The following ZFHX3 variants were observed in gnomAD, a reference collection of about 807,000 sequenced individuals.
The protein encoded by ZFHX3 is zinc finger homeobox protein 3.
In ZFHX3, 42 loss-of-function variants were observed where a neutral mutation model predicts 279.1. That is an observed-to-expected ratio of 0.15 (90% confidence interval 0.12 to 0.19). ZFHX3 has a LOEUF of 0.19. ZFHX3 is among the 10% of genes least tolerant of loss of function. ZFHX3 has a pLI of 1.00. For missense variants in ZFHX3, 4,981 were observed against 4,754.0 expected (o/e 1.05, Z -1.40); for synonymous variants, 2,293 against 1,957.8 (o/e 1.17, Z -4.52).
chr16:73,378,030 C>CAAAAAAAAAAAAAAAAAA lies in ZFHX3; in HGVS notation c.-1290-59712_-1290-59695dup, dbSNP rs71156159. Among the ~76,000 whole-genome samples, 10 of 53,840 alleles carry CAAAAAAAAAAAAAAAAAA rather than the reference C, an allele frequency of 1.9e-4. 1 individual carries two copies. Among genetic ancestry groups the CAAAAAAAAAAAAAAAAAA allele is most frequent in the Non-Finnish European group, 2.6e-4 (8 of 30,822 alleles). The allele number at this position is 53,840 out of a possible 152,430, so 35.3% of individuals were successfully genotyped here. A position where few individuals can be genotyped will look rare whatever the true frequency, so the allele number is the denominator to read the frequency against. ...CCTGGGTGACAGAGAGACTCTGTCT[C>CAAAAAAAAAAAAAAAAAA]AAAAAAAAAAAAAAAAAAAAAAAAA... On this transcript the variant is annotated intron_variant, in intron 3 of 17. Coordinates refer to the ZFHX3 transcript ENST00000641206.
chr16:73,465,631 A>T (rs1286877178), intron 2 of ZFHX3, among the ~76,000 whole-genome samples: 1 of 152,264 alleles, frequency 6.6e-6, no homozygotes, highest in East Asian at 1.9e-4. Context: ...CCTGCACCCC[A>T]GGTGAGGAGC....
chr16:73,869,117 C>G (rs538704594), intron 1 of ZFHX3, among the ~76,000 whole-genome samples: 5 of 152,120 alleles, frequency 3.3e-5, no homozygotes, highest in Non-Finnish European at 7.4e-5. Context: ...TAGTCATGTT[C>G]ACAACACTCT....
chr16:73,143,379 C>T (rs553352357), intron 6 of ZFHX3, among the ~76,000 whole-genome samples: 1 of 152,142 alleles, frequency 6.6e-6, no homozygotes, highest in Admixed American at 6.5e-5. Flanking sequence ...ACAAAGATAA[C>T]ATTGGCAGAG....
intron 5 of ZFHX3, among the ~76,000 whole-genome samples, chr16:73,224,332 C>T (rs926286958): frequency 2.0e-5 from 3 of 152,212 alleles, no homozygotes; most frequent in African/African-American, 7.2e-5. Flanking sequence ...TGTGAGCCTA[C>T]ACTGCTCGAA....
chr16:73,718,711 G>A (rs953740564), intron 1 of ZFHX3, among the ~76,000 whole-genome samples: 8 of 151,616 alleles, frequency 5.3e-5, no homozygotes, highest in Non-Finnish European at 8.8e-5. Context: ...CACCTCCTGG[G>A]TTCAAGCGAT....
In ZFHX3 at chr16:73,023,415, G is replaced by C. The variant is rs573791369; in HGVS notation, c.-50+24337C>G. On this transcript the variant is annotated intron_variant, in intron 1 of 9. Transcript: ENST00000268489. ...GACACAAGGGGCCTGGAGCAGGCCT[G>C]TGAGGGTAAGGGGCGGAGGGAGGAA... Among the ~76,000 whole-genome samples the C allele has an allele frequency of 1.1e-4, 17 of 152,316 alleles. No homozygotes were observed. In the South Asian group the frequency reaches 3.5e-3, roughly 32 times the overall value.
chr16:73,040,340 G>T (rs572268653), intron 1 of ZFHX3, among the ~76,000 whole-genome samples: 1 of 152,216 alleles, frequency 6.6e-6, no homozygotes, highest in Admixed American at 6.5e-5. Context: ...CTGGGAGGCC[G>T]AGCAGGAGGG....
At chr16:72,844,557 G>C (rs1248529982) in intron 4 of ZFHX3, among the ~76,000 whole-genome samples, 1 of 152,048 alleles carries the variant, frequency 6.6e-6, no homozygotes, top group African/African-American at 2.4e-5. Flanking sequence ...AAACACACTG[G>C]GGCTCAGGAG....
chr16:72,894,063 C>T (rs2038835649), intron 3 of ZFHX3, among the ~76,000 whole-genome samples: 3 of 151,174 alleles, frequency 2.0e-5, no homozygotes, highest in African/African-American at 4.9e-5. Context: ...GCAGGAAAAT[C>T]GCTTGAACCT....
Position 73,648,329 on chromosome 16 carries a change from T to C in ZFHX3, c.-1547+31851A>G, listed in dbSNP as rs551533940. Among the ~76,000 whole-genome samples the C allele has an allele frequency of 2.3e-4, 35 of 152,364 alleles. No individual in the cohort carries two copies. The South Asian group carries it at 7.0e-3, about 31-fold the overall frequency. On this transcript the variant is annotated intron_variant, in intron 2 of 17. Coordinates refer to the ZFHX3 transcript ENST00000641206. The stretch of plus-strand genomic sequence containing the variant: ...TCCACATTATTATCAATTGGGTTTA[T>C]AGGACTAGAAAAAGCTGAGCTTTAA...
At chr16:73,209,950 A>C (rs1457502014) in intron 5 of ZFHX3, among the ~76,000 whole-genome samples, 2 of 152,190 alleles carry the variant, frequency 1.3e-5, no homozygotes, top group African/African-American at 2.4e-5. Flanking sequence ...AAAGCTATAC[A>C]TGTTCTTCCT....
At chr16:72,973,566 T>C (rs567973154) in intron 1 of ZFHX3, 1 of 152,226 alleles carries the variant, frequency 6.6e-6, no homozygotes, top group Non-Finnish European at 1.5e-5. Flanking sequence ...CAAGCTCAAG[T>C]TGTACTTGGC....
At chr16:73,015,507 A>G (rs1418249664) in intron 1 of ZFHX3, 4 of 152,222 alleles carry the variant, frequency 2.6e-5, no homozygotes, top group African/African-American at 9.6e-5. Context: ...TGTGTGCTAC[A>G]TGTTTATTTT....
chr16:73,157,511 G>T (rs1005259725), intron 5 of ZFHX3, among the ~76,000 whole-genome samples: 3 of 137,344 alleles, frequency 2.2e-5, no homozygotes, highest in African/African-American at 8.3e-5. Context: ...CATTTTATCT[G>T]AAAGATATAA....
chr16:73,225,059 A>G (rs2012549980), intron 5 of ZFHX3, among the ~76,000 whole-genome samples: 1 of 152,194 alleles, frequency 6.6e-6, no homozygotes, highest in Non-Finnish European at 1.5e-5. Context: ...CCTAAGAGAT[A>G]ATATCTATGA....
At chr16:73,386,430 T>C (rs192284982) in intron 3 of ZFHX3, among the ~76,000 whole-genome samples, 1 of 152,240 alleles carries the variant, frequency 6.6e-6, no homozygotes, top group Non-Finnish European at 1.5e-5. Context: ...TTTAAATATA[T>C]GCTTTGCTGA....
At chr16:73,781,342 G>A in intron 1 of ZFHX3, among the ~76,000 whole-genome samples, 1 of 152,218 alleles carries the variant, frequency 6.6e-6, no homozygotes, top group East Asian at 1.9e-4. Flanking sequence ...GCTAGAGCCT[G>A]ATCATTTGTG....
chr16:73,078,556 C>T (rs62052371), intron 8 of ZFHX3, among the ~76,000 whole-genome samples: 2,386 of 152,232 alleles, frequency 0.016, 28 homozygotes, highest in South Asian at 0.048. Context: ...CTTTGGTCTA[C>T]CATGCCAATT....
chr16:73,249,828 A>ACAC (rs1339653670), intron 5 of ZFHX3, among the ~76,000 whole-genome samples: 2 of 147,572 alleles, frequency 1.4e-5, no homozygotes, highest in African/African-American at 5.4e-5. Context: ...GGCACTTCAC[A>ACAC]CACACACACA....
Sources: gnomAD v4.1 joint callset for allele counts (sites outside exome capture counted in the v4.1 genomes callset) on GRCh38, gnomAD v4.1.1 for gene constraint, MANE v1.5 for transcripts, NCBI Gene and HGNC (gene_info 2026-07-23, HGNC 2026-07-21) for gene names.